The following NEGR1 variants were observed in gnomAD, a reference collection of about 807,000 sequenced individuals.
NEGR1 encodes neuronal growth regulator 1, also known as IgLON family member 4.
In NEGR1, 10 loss-of-function variants were observed where a neutral mutation model predicts 40.9. The observed-to-expected ratio is 0.24, with a 90% CI of 0.15 to 0.42. The LOEUF is 0.42. NEGR1 is among the 10% of genes least tolerant of loss of function. The pLI is 1.00. For missense variants in NEGR1, 352 were observed against 438.9 expected, an observed-to-expected ratio of 0.80 and a Z score of 1.77; for synonymous variants, 185 against 166.8, an observed-to-expected ratio of 1.11 and a Z score of -0.84.
intron 1 of NEGR1, among the ~76,000 whole-genome samples, chr1:72,084,592 G>A (rs1160271821): frequency 2.0e-5 from 3 of 152,064 alleles, no homozygotes; most frequent in African/African-American, 7.2e-5. Context: ...GTTTGTTCAT[G>A]GCTGCACCCC....
Position 71,426,650 on chromosome 1 carries a change from C to T in NEGR1, c.941-19080G>A, listed in dbSNP as rs1567060. Among the ~76,000 whole-genome samples the T allele has an allele frequency of 4.8e-3, 728 of 152,270 alleles. 7 individuals are homozygous for T. The highest frequency in any genetic ancestry group is 0.016 in the African/African-American group (684 of 41,550). ...TTTCCTTACTGTGTGCTTACTATCT[C>T]TTTAAAGCTTACTAAATCATATCCA... is the stretch of plus-strand genomic sequence containing the variant. On this transcript the variant is annotated intron_variant, in intron 6 of 6. Coordinates refer to ENST00000357731, the MANE Select transcript of NEGR1 (RefSeq NM_173808.3).
intron 2 of NEGR1, among the ~76,000 whole-genome samples, chr1:71,863,658 C>T (rs1660020712): frequency 6.6e-6 from 1 of 151,854 alleles, no homozygotes; most frequent in South Asian, 2.1e-4. Context: ...AGCATTAATA[C>T]TGGACTTACT....
intron 2 of NEGR1, among the ~76,000 whole-genome samples, chr1:71,821,952 G>A (rs913759495): frequency 2.6e-5 from 4 of 151,960 alleles, no homozygotes; most frequent in East Asian, 1.9e-4. Flanking sequence ...CCACAACCAG[G>A]TCACATAGGA....
chr1:71,876,589 G>A (rs904480896), intron 2 of NEGR1, among the ~76,000 whole-genome samples: 1 of 145,176 alleles, frequency 6.9e-6, no homozygotes, highest in Non-Finnish European at 1.5e-5. Flanking sequence ...GGGAGGCAAG[G>A]AAGGAAGGAA....
chr1:71,714,660 T>C (rs530187106), intron 3 of NEGR1, among the ~76,000 whole-genome samples: 1 of 152,306 alleles, frequency 6.6e-6, no homozygotes, highest in South Asian at 2.1e-4. Flanking sequence ...GGGCAGTCAT[T>C]AAACCTTAAA....
chr1:71,757,436 T>C (rs942730206), intron 3 of NEGR1, among the ~76,000 whole-genome samples: 2 of 152,106 alleles, frequency 1.3e-5, no homozygotes, highest in Admixed American at 6.5e-5. Context: ...TTTACATCTT[T>C]TTACTTTGGC....
At chr1:71,871,230 G>T (rs17091873) in intron 2 of NEGR1, among the ~76,000 whole-genome samples, 21,649 of 152,096 alleles carry the variant, frequency 0.14, 1,605 homozygotes, top group African/African-American at 0.19. Flanking sequence ...TGACATATTA[G>T]GCTGAGATGT....
At chr1:72,125,844 T>C (rs1649994870) in intron 1 of NEGR1, among the ~76,000 whole-genome samples, 1 of 152,166 alleles carries the variant, frequency 6.6e-6, no homozygotes, top group South Asian at 2.1e-4. Flanking sequence ...TAAGAAACAA[T>C]AAGCTTAAGA....
intron 1 of NEGR1, among the ~76,000 whole-genome samples, chr1:72,233,671 C>A (rs1272959186): frequency 6.6e-6 from 1 of 152,160 alleles, no homozygotes; most frequent in African/African-American, 2.4e-5. Context: ...ATACATACCA[C>A]ATTTTCTATA....
At chr1:71,792,691 G>T (rs1018052248) in intron 2 of NEGR1, among the ~76,000 whole-genome samples, 1 of 152,100 alleles carries the variant, frequency 6.6e-6, no homozygotes, top group Admixed American at 6.6e-5. Context: ...TTGATAGGGA[G>T]TTGGCAATAC....
At chr1:71,627,674 T>C (rs1650831848) in intron 4 of NEGR1, among the ~76,000 whole-genome samples, 1 of 152,004 alleles carries the variant, frequency 6.6e-6, no homozygotes, top group Non-Finnish European at 1.5e-5. Context: ...TTCATGTACA[T>C]TTGGAAGCGA....
At chr1:72,169,021 G>A (rs761405291) in intron 1 of NEGR1, among the ~76,000 whole-genome samples, 5 of 152,134 alleles carry the variant, frequency 3.3e-5, no homozygotes, top group Non-Finnish European at 7.4e-5. Context: ...AATAATTAGC[G>A]TGAACCAGAA....
intron 2 of NEGR1, among the ~76,000 whole-genome samples, chr1:71,881,801 G>A: frequency 6.6e-6 from 1 of 152,038 alleles, no homozygotes; most frequent in Non-Finnish European, 1.5e-5. Context: ...CTTTCTGAAT[G>A]TCTTTCCTCT....
intron 3 of NEGR1, among the ~76,000 whole-genome samples, chr1:71,733,612 T>C (rs1377808264): frequency 6.6e-6 from 1 of 152,098 alleles, no homozygotes; most frequent in Non-Finnish European, 1.5e-5. Flanking sequence ...CTGAGAACTT[T>C]CCAATAAAGG....
At chr1:71,542,212 G>A (rs1228263911) in intron 6 of NEGR1, among the ~76,000 whole-genome samples, 5 of 151,772 alleles carry the variant, frequency 3.3e-5, no homozygotes, top group East Asian at 3.9e-4. Context: ...GCATGAAGCC[G>A]GGGAACCTCT....
At chr1:71,876,417 A>G (rs1203559064) in intron 2 of NEGR1, among the ~76,000 whole-genome samples, 1 of 152,042 alleles carries the variant, frequency 6.6e-6, no homozygotes, top group Non-Finnish European at 1.5e-5. Flanking sequence ...CTAGGGGCTC[A>G]GTCAGGAGGA....
chr1:71,442,961 T>C (rs911884659), intron 6 of NEGR1, among the ~76,000 whole-genome samples: 1 of 152,106 alleles, frequency 6.6e-6, no homozygotes, highest in African/African-American at 2.4e-5. Context: ...TTAGGTTACT[T>C]TGTGGATCTG....
intron 5 of NEGR1, among the ~76,000 whole-genome samples, chr1:71,600,915 T>C (rs1649896539): frequency 6.6e-6 from 1 of 152,212 alleles, no homozygotes; most frequent in African/African-American, 2.4e-5. Flanking sequence ...TTGATTCTAG[T>C]ATGTTCCAAA....
intron 4 of NEGR1, 146 bp from the exon 5 acceptor site, chr1:71,611,292 T>C: frequency 1.4e-6 from 1 of 707,982 alleles, no homozygotes; most frequent in South Asian, 1.9e-5. Flanking sequence ...CAGTGTTTTA[T>C]GCTTCAAATA....
Sources: gnomAD v4.1 joint callset for allele counts (sites outside exome capture counted in the v4.1 genomes callset) on GRCh38, gnomAD v4.1.1 for gene constraint, MANE v1.5 for transcripts, NCBI Gene and HGNC (gene_info 2026-07-23, HGNC 2026-07-21) for gene names.